The following NALCN variants were observed in gnomAD, a reference collection of about 807,000 sequenced individuals.
NALCN encodes sodium leak channel NALCN.
Under a neutral mutation model 225.3 loss-of-function variants are expected in NALCN, and 111 were observed. The ratio of observed to expected loss-of-function variants is 0.49; its 90% CI spans 0.42 to 0.58. NALCN has a LOEUF of 0.58. Ranked by LOEUF, NALCN falls within the 20% of genes least tolerant of loss-of-function variation. The pLI is 0.00. For missense variants in NALCN, 1,378 were observed against 2,202.4 expected, an observed-to-expected ratio of 0.63 and a Z score of 7.49; for synonymous variants, 764 against 769.0, an observed-to-expected ratio of 0.99 and a Z score of 0.11.
intron 11 of NALCN, among the ~76,000 whole-genome samples, chr13:101,248,849 C>A (rs2041978055): frequency 1.3e-5 from 2 of 152,122 alleles, no homozygotes; most frequent in South Asian, 4.1e-4. Flanking sequence ...GTCATTCTAG[C>A]AAATTATCAA....
At chr13:101,314,695 AT>A (rs2044488382) in intron 7 of NALCN, among the ~76,000 whole-genome samples, 1 of 152,212 alleles carries the variant, frequency 6.6e-6, no homozygotes, top group African/African-American at 2.4e-5. Context: ...TGAATACAAA[AT>A]GCAAATTATA....
Position 101,104,194 on chromosome 13 carries a change from C to A in NALCN, c.2889+101G>T. The A allele has an allele frequency of 7.1e-7, 1 of 1,414,624 alleles. No individual in the cohort carries two copies. Among genetic ancestry groups the A allele is most frequent in the South Asian group, 1.5e-5 (1 of 68,890 alleles). The allele number at this position is 1,414,624 out of a possible 1,614,324, so 87.6% of individuals were successfully genotyped here. A position where few individuals can be genotyped will look rare whatever the true frequency, so the allele number is the denominator to read the frequency against. On this transcript the variant is annotated intron_variant, in intron 25 of 43. Transcript: ENST00000251127. The surrounding 1 kb of genome is among the most constrained non-coding windows in gnomAD (Gnocchi z 4.2). Reference sequence around the variant, plus strand: ...CCATTTAAGAATTCGGTTAGGGAATCTAAGCCTCTGTAACTCATACCTCTT... The same window carrying A: ...CCATTTAAGAATTCGGTTAGGGAATATAAGCCTCTGTAACTCATACCTCTT...
chr13:101,311,083 G>A (rs1372794820), intron 7 of NALCN, among the ~76,000 whole-genome samples: 6 of 151,296 alleles, frequency 4.0e-5, no homozygotes, highest in African/African-American at 1.2e-4. Context: ...CACATCCCTC[G>A]TAAGTTGGAT....
At chr13:101,088,476 T>A (rs2034041145) in intron 30 of NALCN, among the ~76,000 whole-genome samples, 1 of 152,196 alleles carries the variant, frequency 6.6e-6, no homozygotes, top group South Asian at 2.1e-4. Flanking sequence ...CTTCGAAGAA[T>A]CACAGAGCCT....
At position 101,258,511 on chromosome 13, in the gene NALCN, C is replaced by G; in HGVS notation, c.1198G>C (p.Val400Leu). 6.2e-7 allele frequency: 1 copy of G among 1,614,152 alleles called. No individual in the cohort carries two copies. Among genetic ancestry groups the G allele is most frequent in the Non-Finnish European group, 8.5e-7 (1 of 1,180,034 alleles). The change falls in exon 11 of 44, where the codon GTG (valine) becomes CTG (leucine). Residue 400 changes from valine (V) to leucine (L), a missense_variant. Val to Leu is a conservative substitution (Grantham distance 32). This residue lies in a region of NALCN where 144 missense variants were observed against 187.7 expected (regional missense o/e 0.77). Coordinates refer to ENST00000251127, the MANE Select transcript of NALCN (RefSeq NM_052867.4). ...CCTTTGTAGTAGTTGCTAGCCGCCA[C>G]GATCACGTCCACGGTCACCATGCTC... ...ILSMVTVDVI[V>L]AASNYYKGEN...
At chr13:101,364,371 C>T (rs1004321834) in intron 6 of NALCN, among the ~76,000 whole-genome samples, 1 of 151,970 alleles carries the variant, frequency 6.6e-6, no homozygotes, top group African/African-American at 2.4e-5. Context: ...TGTATATATA[C>T]ACACACACAG....
chr13:101,410,188 C>A (rs2047739633), intron 1 of NALCN, among the ~76,000 whole-genome samples: 1 of 152,180 alleles, frequency 6.6e-6, no homozygotes, highest in Admixed American at 6.5e-5. Flanking sequence ...GCTGAGGCCT[C>A]CTTCACCTCA....
At chr13:101,146,167 G>A (rs2037335239) in intron 15 of NALCN, among the ~76,000 whole-genome samples, 1 of 152,146 alleles carries the variant, frequency 6.6e-6, no homozygotes, top group African/African-American at 2.4e-5. Flanking sequence ...TTTCTTATTA[G>A]GCTGCAGAAA....
At chr13:101,075,832 A>G in intron 35 of NALCN, 41 bp downstream of exon 35, 1 of 1,532,838 alleles carries the variant, frequency 6.5e-7, no homozygotes, top group East Asian at 2.3e-5. Flanking sequence ...TCATTAACAC[A>G]TATATGACCT....
chr13:101,416,473 C>T lies in NALCN; in HGVS notation c.-200G>A, dbSNP rs1332838516. 2.6e-5 allele frequency: 4 copies of T among 151,682 alleles called. No homozygotes were observed. The highest frequency in any genetic ancestry group is 5.9e-5 in the Non-Finnish European group (4 of 67,860). 9.4% of individuals were successfully genotyped at this position (151,682 alleles called of 1,614,324 possible). A position where few individuals can be genotyped will look rare whatever the true frequency, so the allele number is the denominator to read the frequency against. ...AGCTCAGGCAGCGCGCTCGGCCCGG[C>T]TGGGGCCGCGGCTCACGCTCGCCGT... On this transcript the variant is annotated 5_prime_UTR_variant, in exon 1 of 44. Coordinates refer to ENST00000251127, the MANE Select transcript of NALCN (RefSeq NM_052867.4).
At chr13:101,395,539 C>G (rs527547834) in intron 2 of NALCN, among the ~76,000 whole-genome samples, 174 bp from the exon 3 acceptor site, 13 of 152,222 alleles carry the variant, frequency 8.5e-5, no homozygotes, top group Non-Finnish European at 1.3e-4. Context: ...AATATTTTCA[C>G]GTTTTTATAT....
In NALCN at chr13:101,123,662, A is replaced by G. The variant is rs368381407; in HGVS notation, c.2192+946T>C. ...TAACTCTATGCATGAACGTCAGCCA[A>G]TATTGAGAGAAATACTGTCTTGATG... On this transcript the variant is annotated intron_variant, in intron 18 of 43. Transcript: ENST00000251127. 5.3e-5 allele frequency among the ~76,000 whole-genome samples: 8 copies of G among 152,226 alleles called. No individual in the cohort carries two copies. The South Asian group carries it at 1.2e-3, about 24-fold the overall frequency.
chr13:101,211,630 G>T (rs2040527561), intron 13 of NALCN, among the ~76,000 whole-genome samples: 1 of 142,070 alleles, frequency 7.0e-6, no homozygotes, highest in South Asian at 2.3e-4. Context: ...TTTTTTGGGG[G>T]GGGAGACAAT....
intron 2 of NALCN, among the ~76,000 whole-genome samples, chr13:101,396,966 T>C (rs2047311359): frequency 6.6e-6 from 1 of 150,884 alleles, no homozygotes; most frequent in African/African-American, 2.4e-5. Context: ...AATGAAGGCC[T>C]ACTATGTGTC....
Position 101,072,464 on chromosome 13 carries a change from C to T in NALCN, c.4197+1120G>A, listed in dbSNP as rs184822609. ...ATTGTTTACAGGCTCTATAAAATGC[C>T]GACACCTCTGAGAGAACTTTCTGGT... On this transcript the variant is annotated intron_variant, in intron 37 of 43. Coordinates refer to ENST00000251127, the MANE Select transcript of NALCN (RefSeq NM_052867.4). Among the ~76,000 whole-genome samples, 899 of 152,256 alleles carry T rather than the reference C, an allele frequency of 5.9e-3. 3 individuals carry two copies. The highest frequency in any genetic ancestry group is 0.01 in the Non-Finnish European group (696 of 68,016).
At chr13:101,336,130 C>A (rs749233300) in intron 7 of NALCN, among the ~76,000 whole-genome samples, 1 of 152,118 alleles carries the variant, frequency 6.6e-6, no homozygotes, top group Non-Finnish European at 1.5e-5. Flanking sequence ...AACTAAAACA[C>A]TGGACCCGTG....
intron 6 of NALCN, among the ~76,000 whole-genome samples, chr13:101,350,379 T>C (rs2045874017): frequency 6.6e-6 from 1 of 151,962 alleles, no homozygotes; most frequent in Non-Finnish European, 1.5e-5. Flanking sequence ...GTTAACCCCA[T>C]TTTTGTAGCC....
chr13:101,224,233 T>G (rs947710987), intron 13 of NALCN, among the ~76,000 whole-genome samples: 2 of 152,146 alleles, frequency 1.3e-5, no homozygotes, highest in Admixed American at 6.5e-5. Context: ...CCACATAAGC[T>G]GCTTATGTCT....
intron 15 of NALCN, among the ~76,000 whole-genome samples, chr13:101,159,423 T>C (rs2038057076): frequency 6.6e-6 from 1 of 152,148 alleles, no homozygotes; most frequent in South Asian, 2.1e-4. Context: ...CCCCTCCGGG[T>C]GGTTACTAAC....
Sources: allele counts gnomAD v4.1 joint callset (sites outside exome capture counted in the v4.1 genomes callset), GRCh38; gene constraint gnomAD v4.1.1; regional missense constraint gnomAD v4.1.1; non-coding constraint Gnocchi (gnomAD v3.1); transcripts MANE v1.5; gene names NCBI Gene and HGNC (gene_info 2026-07-23, HGNC 2026-07-21).